Variants in MAML2 observed in about 807,000 individuals in gnomAD.
The protein encoded by MAML2 is mastermind-like protein 2.
A neutral mutation model predicts 96.1 loss-of-function variants in MAML2; 22 were observed. The ratio of observed to expected loss-of-function variants is 0.23; its 90% CI spans 0.16 to 0.33. The LOEUF (loss-of-function observed/expected upper bound fraction) is 0.33, where lower values mean the gene tolerates loss of function less well. Among genes scored for constraint, MAML2 ranks in the 10% least tolerant of loss-of-function variants. The pLI is 1.00. For missense variants in MAML2, 1,367 were observed against 1,392.4 expected (o/e 0.98, Z 0.29); for synonymous variants, 561 against 521.3 (o/e 1.08, Z -1.04).
intron 1 of MAML2, among the ~76,000 whole-genome samples, chr11:96,134,798 A>G (rs1272069198): frequency 6.6e-6 from 1 of 152,226 alleles, no homozygotes; most frequent in Non-Finnish European, 1.5e-5. Flanking sequence ...AGTCATAAAT[A>G]CCACTGACTG....
At chr11:96,071,172 T>G (rs960243469) in intron 2 of MAML2, among the ~76,000 whole-genome samples, 1 of 152,198 alleles carries the variant, frequency 6.6e-6, no homozygotes, top group South Asian at 2.1e-4. Flanking sequence ...GGAAACCAAG[T>G]TTTCAGGAGG....
intron 1 of MAML2, among the ~76,000 whole-genome samples, chr11:96,328,528 T>C (rs1863814647): frequency 6.6e-6 from 1 of 151,610 alleles, no homozygotes; most frequent in Non-Finnish European, 1.5e-5. Flanking sequence ...TAAGATGTGA[T>C]CCACAGACAC....
intron 1 of MAML2, among the ~76,000 whole-genome samples, chr11:96,275,577 T>G (rs1862978592): frequency 6.6e-6 from 1 of 152,138 alleles, no homozygotes; most frequent in Non-Finnish European, 1.5e-5. Flanking sequence ...CCAGAATTTT[T>G]CTTTCTTTTT....
intron 1 of MAML2, among the ~76,000 whole-genome samples, chr11:96,156,936 G>A (rs561929173): frequency 9.8e-4 from 149 of 152,270 alleles, no homozygotes; most frequent in Non-Finnish European, 1.8e-3. Context: ...TCACTTGCAG[G>A]GGTGGTGGAC....
intron 2 of MAML2, among the ~76,000 whole-genome samples, chr11:96,057,669 C>T (rs2135774720): frequency 6.6e-6 from 1 of 152,270 alleles, no homozygotes; most frequent in Admixed American, 6.5e-5. Flanking sequence ...AATACAGCAA[C>T]ACTTCATCTA....
intron 2 of MAML2, among the ~76,000 whole-genome samples, chr11:96,037,384 C>T (rs1048445261): frequency 1.3e-5 from 2 of 152,204 alleles, no homozygotes. Context: ...TGCTCTTTCT[C>T]TGATATATAC....
At chr11:96,338,502 T>C (rs1295151658) in intron 1 of MAML2, among the ~76,000 whole-genome samples, 9 of 152,254 alleles carry the variant, frequency 5.9e-5, no homozygotes, top group African/African-American at 1.7e-4. Flanking sequence ...AGACATTATA[T>C]ATTCCTTGCT....
At chr11:96,089,222 T>C (rs1859666990) in intron 2 of MAML2, among the ~76,000 whole-genome samples, 1 of 152,174 alleles carries the variant, frequency 6.6e-6, no homozygotes, top group African/African-American at 2.4e-5. Context: ...CTATTATAGA[T>C]GGAAGAGTTA....
chr11:96,035,840 A>C (rs189114851), intron 2 of MAML2, among the ~76,000 whole-genome samples: 1 of 152,330 alleles, frequency 6.6e-6, no homozygotes, highest in Non-Finnish European at 1.5e-5. Context: ...TTCAAAATCA[A>C]AAGGCCTCCA....
chr11:96,100,072 A>T (rs772677265), intron 1 of MAML2, among the ~76,000 whole-genome samples: 11 of 152,174 alleles, frequency 7.2e-5, no homozygotes, highest in Non-Finnish European at 1.5e-4. Context: ...TGATGGACAC[A>T]AAGTGTTGTT....
At chr11:96,245,705 A>ATTTT (rs59597889) in intron 1 of MAML2, among the ~76,000 whole-genome samples, 8 of 136,940 alleles carry the variant, frequency 5.8e-5, no homozygotes, top group Admixed American at 2.2e-4. Flanking sequence ...CCCATACCTA[A>ATTTT]TTTTTTTTTT....
intron 2 of MAML2, among the ~76,000 whole-genome samples, chr11:96,004,150 T>C (rs576369284): frequency 2.0e-5 from 3 of 152,348 alleles, no homozygotes; most frequent in South Asian, 2.1e-4. Context: ...TTTTATACCA[T>C]GAATTTTCCA....
At chr11:96,159,458 G>C (rs563214922) in intron 1 of MAML2, among the ~76,000 whole-genome samples, 13 of 120,340 alleles carry the variant, frequency 1.1e-4, no homozygotes, top group Middle Eastern at 6.4e-3. Context: ...TGTCACCCAG[G>C]CTGGAGTGCA....
At chr11:96,291,952 T>C (rs1863218758) in intron 1 of MAML2, among the ~76,000 whole-genome samples, 1 of 152,230 alleles carries the variant, frequency 6.6e-6, no homozygotes. Flanking sequence ...AATATCTTTA[T>C]GCAGCATGTG....
intron 2 of MAML2, among the ~76,000 whole-genome samples, chr11:95,994,778 T>G (rs79539741): frequency 0.01 from 1,559 of 152,312 alleles, 18 homozygotes; most frequent in South Asian, 0.032. Context: ...TTTGTTTTGG[T>G]TTATTTTTTT....
chr11:96,065,108 T>C (rs762828425), intron 2 of MAML2, among the ~76,000 whole-genome samples: 3 of 152,194 alleles, frequency 2.0e-5, no homozygotes, highest in Admixed American at 6.5e-5. Flanking sequence ...CTGAACAAAA[T>C]TGATCTTTAA....
At chr11:95,989,358 T>G (rs1857875676) in intron 3 of MAML2, among the ~76,000 whole-genome samples, 1 of 152,246 alleles carries the variant, frequency 6.6e-6, no homozygotes, top group Admixed American at 6.5e-5. Context: ...AGCCTCATTC[T>G]CATTCATCTC....
At chr11:95,994,804 A>C (rs1449944180) in intron 2 of MAML2, among the ~76,000 whole-genome samples, 2 of 152,224 alleles carry the variant, frequency 1.3e-5, no homozygotes, top group Non-Finnish European at 2.9e-5. Flanking sequence ...GCTGACAAGC[A>C]TAGGTAGAAA....
In MAML2 at chr11:96,254,812, C is replaced by T. The variant is rs774358025; in HGVS notation, c.513+86571G>A. ...AGAGGCAGAGGATAAATTGAGGGCT[C>T]CTTTTTTTATTTTTTATTTATTTTT... On this transcript the variant is annotated intron_variant, in intron 1 of 4. Transcript: ENST00000524717. Among the ~76,000 whole-genome samples the T allele has an allele frequency of 5.1e-4, 78 of 152,126 alleles. No homozygotes were observed. In the Middle Eastern group the frequency reaches 0.014, roughly 27 times the overall value.
Sources: gnomAD v4.1 joint callset for allele counts (sites outside exome capture counted in the v4.1 genomes callset) on GRCh38, gnomAD v4.1.1 for gene constraint, MANE v1.5 for transcripts, NCBI Gene and HGNC (gene_info 2026-07-23, HGNC 2026-07-21) for gene names.